The following SSBP3 variants were observed in gnomAD, a reference collection of about 807,000 sequenced individuals.
SSBP3 encodes the protein single stranded DNA binding protein 3, also known as single-stranded DNA-binding protein 3.
In SSBP3, 5 loss-of-function variants were observed where a neutral mutation model predicts 69.6. The ratio of observed to expected loss-of-function variants is 0.07; its 90% CI spans 0.04 to 0.15. The LOEUF (loss-of-function observed/expected upper bound fraction) is 0.15, where lower values mean the gene tolerates loss of function less well. SSBP3 is among the 10% of genes least tolerant of loss of function. The probability of loss-of-function intolerance (pLI) is 1.00; values close to 1 mark genes in which losing one functional copy is unlikely to be tolerated. For synonymous variants in SSBP3, 196 were observed against 193.4 expected, an observed-to-expected ratio of 1.01 and a Z score of -0.11; for missense variants, 312 against 534.0, an observed-to-expected ratio of 0.58 and a Z score of 4.10.
At chr1:54,397,930 G>A (rs1163818522) in intron 4 of SSBP3, among the ~76,000 whole-genome samples, 1 of 152,166 alleles carries the variant, frequency 6.6e-6, no homozygotes, top group East Asian at 1.9e-4. Context: ...TCACCTTGCG[G>A]GGGCTTCCGT....
chr1:54,312,061 G>A (rs1646013174), intron 4 of SSBP3, among the ~76,000 whole-genome samples: 1 of 152,204 alleles, frequency 6.6e-6, no homozygotes. Context: ...TATTTCAAAA[G>A]AAAGTCTTGC....
chr1:54,254,333 G>A (rs998186133), intron 7 of SSBP3, among the ~76,000 whole-genome samples: 1 of 152,268 alleles, frequency 6.6e-6, no homozygotes, highest in East Asian at 1.9e-4. Flanking sequence ...CTGCCAGGTG[G>A]GACCTCTGCC....
chr1:54,279,616 A>T lies in SSBP3; in HGVS notation c.366+1822T>A, dbSNP rs541215177. 2.0e-5 allele frequency among the ~76,000 whole-genome samples: 3 copies of T among 152,346 alleles called. No homozygotes were observed. The South Asian group carries it at 6.2e-4, about 32-fold the overall frequency. On this transcript the variant is annotated intron_variant, in intron 5 of 17. Coordinates refer to ENST00000610401, the Ensembl canonical transcript of SSBP3. The stretch of plus-strand genomic sequence containing the variant: ...CATGGTACCTCGGTGGGTCCACCAG[A>T]CACGGAAGCCACATCTGCACTGTCT...
chr1:54,271,985 G>A (rs553312247), intron 5 of SSBP3, among the ~76,000 whole-genome samples: 1 of 152,048 alleles, frequency 6.6e-6, no homozygotes, highest in Non-Finnish European at 1.5e-5. Context: ...GGTCAGGCTG[G>A]TCTCGAACTC....
At chr1:54,352,459 G>A (rs944658656) in intron 4 of SSBP3, among the ~76,000 whole-genome samples, 4 of 152,100 alleles carry the variant, frequency 2.6e-5, no homozygotes, top group Admixed American at 2.6e-4. Flanking sequence ...TGTCAGAAAC[G>A]GTCCCCACTG....
intron 14 of SSBP3, chr1:54,236,481 C>T (rs1644497653): frequency 6.6e-6 from 1 of 152,028 alleles, no homozygotes; most frequent in African/African-American, 2.4e-5. Context: ...TGCTTTGTTA[C>T]CCAGGTTGGT....
chr1:54,330,540 G>A (rs949507648), intron 4 of SSBP3, among the ~76,000 whole-genome samples: 3 of 152,148 alleles, frequency 2.0e-5, no homozygotes, highest in African/African-American at 4.8e-5. Context: ...AAGGGCGACC[G>A]CTTTGTTCAC....
chr1:54,369,678 C>T (rs1057119123), intron 4 of SSBP3, among the ~76,000 whole-genome samples: 1 of 152,124 alleles, frequency 6.6e-6, no homozygotes, highest in African/African-American at 2.4e-5. Context: ...ACTCAACCTC[C>T]ACCTCAAACC....
At chr1:54,388,267 G>C (rs764358428) in intron 4 of SSBP3, among the ~76,000 whole-genome samples, 1 of 152,174 alleles carries the variant, frequency 6.6e-6, no homozygotes, top group South Asian at 2.1e-4. Flanking sequence ...CTCAAAGGTA[G>C]AGTGGGGCTC....
chr1:54,250,287 G>A (rs1038200047), intron 9 of SSBP3, among the ~76,000 whole-genome samples: 1 of 152,228 alleles, frequency 6.6e-6, no homozygotes. Context: ...TATGGGGCTG[G>A]CAGAAGACAA....
chr1:54,237,906 C>G, intron 14 of SSBP3: 1 of 350,052 alleles, frequency 2.9e-6, no homozygotes, highest in Non-Finnish European at 5.8e-6. Flanking sequence ...CCACGTCAGG[C>G]AACATGGCGA....
intron 14 of SSBP3, 50 bp from the exon 15 acceptor site, chr1:54,228,876 C>A: frequency 6.4e-7 from 1 of 1,569,840 alleles, no homozygotes. Context: ...TGGCCCTCTG[C>A]ACCCCTCACA....
intron 4 of SSBP3, among the ~76,000 whole-genome samples, chr1:54,321,210 CCAGGGAACTCGGGCTTCACCCTGAAGAA>C (rs1404816856): frequency 1.3e-5 from 2 of 152,228 alleles, no homozygotes; most frequent in African/African-American, 4.8e-5. Context: ...GGGGGCCCAG[CCAGGGAACTCGGGCTTCACCCTGAAGAA>C]CAGGAGAATG....
intron 4 of SSBP3, among the ~76,000 whole-genome samples, chr1:54,309,866 GGCGCTTTC>G (rs1387156839): frequency 6.6e-6 from 1 of 152,200 alleles, no homozygotes; most frequent in Non-Finnish European, 1.5e-5. Flanking sequence ...CACTCGACAA[GGCGCTTTC>G]TTGTCGTTTC....
chr1:54,353,973 A>C (rs1003591360), intron 4 of SSBP3, among the ~76,000 whole-genome samples: 2 of 152,146 alleles, frequency 1.3e-5, no homozygotes, highest in South Asian at 2.1e-4. Flanking sequence ...TCCCCAAATC[A>C]TACAGGGACT....
intron 4 of SSBP3, among the ~76,000 whole-genome samples, chr1:54,302,060 G>C (rs1021270097): frequency 1.3e-5 from 2 of 152,188 alleles, no homozygotes; most frequent in South Asian, 4.1e-4. Context: ...GGGGTGGGGG[G>C]GTACCCCCAT....
intron 4 of SSBP3, among the ~76,000 whole-genome samples, chr1:54,354,887 G>A (rs1286419522): frequency 6.6e-6 from 1 of 152,136 alleles, no homozygotes; most frequent in African/African-American, 2.4e-5. Flanking sequence ...CCCAGCCTGT[G>A]GACTTCCCAG....
At chr1:54,354,218 T>G (rs1386930774) in intron 4 of SSBP3, among the ~76,000 whole-genome samples, 1 of 152,176 alleles carries the variant, frequency 6.6e-6, no homozygotes, top group East Asian at 1.9e-4. Flanking sequence ...GCAGCATCAG[T>G]GCACCTCCCA....
intron 4 of SSBP3, among the ~76,000 whole-genome samples, chr1:54,328,050 G>C (rs533962889): frequency 6.6e-6 from 1 of 152,298 alleles, no homozygotes; most frequent in African/African-American, 2.4e-5. Flanking sequence ...ATAGGGAAGA[G>C]GACGGGCGAC....
Sources: allele counts gnomAD v4.1 joint callset (sites outside exome capture counted in the v4.1 genomes callset), GRCh38; gene constraint gnomAD v4.1.1; transcripts MANE v1.5; gene names NCBI Gene and HGNC (gene_info 2026-07-23, HGNC 2026-07-21).